CR1: variants seen among roughly 807,000 people sequenced by gnomAD.
CR1 encodes complement receptor type 1.
A neutral mutation model predicts 187.3 loss-of-function variants in CR1; 116 were observed. The observed-to-expected ratio is 0.62, with a 90% confidence interval of 0.53 to 0.72. The LOEUF (loss-of-function observed/expected upper bound fraction) is 0.72, where lower values mean the gene tolerates loss of function less well. Ranked by LOEUF, CR1 falls within the 30% of genes least tolerant of loss-of-function variation. The probability of loss-of-function intolerance (pLI) is 0.00; values close to 1 mark genes in which losing one functional copy is unlikely to be tolerated. For synonymous variants in CR1, 576 were observed against 747.1 expected (o/e 0.77, Z 3.73); for missense variants, 1,731 against 2,110.7 (o/e 0.82, Z 3.52).
chr1:207,579,968 A>G (rs1272853098), intron 29 of CR1, among the ~76,000 whole-genome samples: 1 of 152,238 alleles, frequency 6.6e-6, no homozygotes. Context: ...CTCAGGTGAC[A>G]GTCTCATTAC....
rs541917183 is a variant in CR1 at position 207,620,215 on chromosome 1, C to T, written c.7252+150C>T. ...TGAGCATCCACCTATTCCAAAACTC[C>T]CATAGTGAGAGTAAGGCCAGACTTC... On this transcript the variant is annotated intron_variant, in intron 43 of 46. Transcript: ENST00000367049. 48 of 771,964 alleles carry T rather than the reference C, an allele frequency of 6.2e-5. No individual in the cohort carries two copies. In the Middle Eastern group the frequency reaches 7.6e-4, roughly 12 times the overall value. The allele number at this position is 771,964 out of a possible 1,614,324, so 47.8% of individuals were successfully genotyped here.
rs1297557412 is a variant in CR1, at chr1:207,506,661, A to G, written c.302-53A>G. The G allele has an allele frequency of 2.0e-6, 3 of 1,506,342 alleles. No homozygotes were observed. In the South Asian group the frequency reaches 3.4e-5, roughly 17 times the overall value. 93.3% of individuals were successfully genotyped at this position (1,506,342 alleles called of 1,614,324 possible). A position where few individuals can be genotyped will look rare whatever the true frequency, so the allele number is the denominator to read the frequency against. On this transcript the variant is annotated intron_variant, in intron 2 of 46. Coordinates refer to ENST00000367049, the MANE Select transcript of CR1 (RefSeq NM_000651.6). ...GCAGGTTGAGACCTTATGTACTAAA[A>G]AAAGTTTTTAGTTTACTCTACTTGG...
At chr1:207,511,967 T>A (rs1370701162) in intron 4 of CR1, among the ~76,000 whole-genome samples, 1 of 152,152 alleles carries the variant, frequency 6.6e-6, no homozygotes, top group Non-Finnish European at 1.5e-5. Context: ...GCTTGGCAAA[T>A]CAGTAAAGAT....
At chr1:207,603,941 A>T (rs1661677948) in intron 35 of CR1, among the ~76,000 whole-genome samples, 1 of 152,198 alleles carries the variant, frequency 6.6e-6, no homozygotes, top group Non-Finnish European at 1.5e-5. Context: ...AGATTTGCAG[A>T]TTTGAGTGAA....
chr1:207,623,911 C>CTTTTTT lies in CR1; in HGVS notation c.7352+870_7352+875dup, dbSNP rs71154830. On this transcript the variant is annotated intron_variant, in intron 45 of 46. Coordinates refer to ENST00000367049, the MANE Select transcript of CR1 (RefSeq NM_000651.6). ...ACAAATATTTTGTAAACACCATTAA[C>CTTTTTT]TTTTTTTTTTTTTTTTTTTTTTTTT... Among the ~76,000 whole-genome samples the CTTTTTT allele has an allele frequency of 1.1e-4, 6 of 52,474 alleles. No homozygotes were observed. The East Asian group carries it at 2.7e-3, about 24-fold the overall frequency. 34.4% of individuals were successfully genotyped at this position (52,474 alleles called of 152,430 possible). A position where few individuals can be genotyped will look rare whatever the true frequency, so the allele number is the denominator to read the frequency against.
intron 2 of CR1, 92 bp from the exon 3 acceptor site, chr1:207,506,622 T>C: frequency 3.0e-6 from 3 of 1,013,246 alleles, no homozygotes; most frequent in Non-Finnish European, 4.6e-6. Flanking sequence ...CGTGTGTTCC[T>C]CAGTAAGCTA....
chr1:207,499,186 G>T (rs1003284416), intron 1 of CR1, among the ~76,000 whole-genome samples: 6 of 152,148 alleles, frequency 3.9e-5, no homozygotes, highest in Non-Finnish European at 8.8e-5. Context: ...GCTAATGCTA[G>T]TCACAGAAAG....
chr1:207,582,091 C>G, intron 32 of CR1, 88 bp downstream of exon 32: 1 of 879,680 alleles, frequency 1.1e-6, no homozygotes, highest in Admixed American at 2.5e-5. Context: ...TTGTTTGTCC[C>G]GCTGTTTGTG....
chr1:207,501,866 G>A (rs561552544), intron 1 of CR1, among the ~76,000 whole-genome samples: 2 of 151,440 alleles, frequency 1.3e-5, no homozygotes, highest in South Asian at 4.2e-4. Flanking sequence ...ATATCAACTA[G>A]AGGAAAGGTG....
chr1:207,632,746 C>G (rs1008920105), intron 46 of CR1, among the ~76,000 whole-genome samples: 59 of 142,970 alleles, frequency 4.1e-4, no homozygotes, highest in African/African-American at 1.5e-3. Flanking sequence ...TGCAGTGAGC[C>G]GAGATCGCGC....
chr1:207,592,981 G>T (rs1341172433), intron 35 of CR1, among the ~76,000 whole-genome samples: 3 of 147,896 alleles, frequency 2.0e-5, no homozygotes, highest in Non-Finnish European at 4.4e-5. Flanking sequence ...CACGATTGTG[G>T]ATAGGAAGAA....
chr1:207,565,214 C>T (rs1660456352), intron 23 of CR1, among the ~76,000 whole-genome samples: 1 of 150,190 alleles, frequency 6.7e-6, no homozygotes, highest in African/African-American at 2.5e-5. Flanking sequence ...TGCCAGCACC[C>T]AGTAAGAGTT....
chr1:207,601,491 A>C (rs1318416333), intron 35 of CR1, among the ~76,000 whole-genome samples: 1 of 152,170 alleles, frequency 6.6e-6, no homozygotes, highest in Non-Finnish European at 1.5e-5. Flanking sequence ...AAGAATTGCC[A>C]GACTATTTTC....
intron 45 of CR1, among the ~76,000 whole-genome samples, chr1:207,623,760 T>G (rs1373195626): frequency 6.6e-6 from 1 of 152,084 alleles, no homozygotes; most frequent in Non-Finnish European, 1.5e-5. Flanking sequence ...CACTGACCTC[T>G]AAGCCCAGAT....
At chr1:207,496,443 C>G in intron 1 of CR1, 55 bp downstream of exon 1, 1 of 1,532,122 alleles carries the variant, frequency 6.5e-7, no homozygotes. Flanking sequence ...ACCCGGGGCC[C>G]CGCAGAGAAC....
intron 35 of CR1, among the ~76,000 whole-genome samples, chr1:207,602,360 G>A (rs1411080702): frequency 9.2e-5 from 14 of 152,088 alleles, no homozygotes; most frequent in Admixed American, 8.5e-4. Context: ...TGGCTCATTT[G>A]CTAATATAAA....
intron 37 of CR1, among the ~76,000 whole-genome samples, chr1:207,611,388 T>C (rs1661925532): frequency 6.6e-6 from 1 of 152,202 alleles, no homozygotes; most frequent in Non-Finnish European, 1.5e-5. Flanking sequence ...GACTCTGTGC[T>C]CCATAACCAG....
At position 207,611,817 on chromosome 1, in the gene CR1, C is replaced by G; in HGVS notation, c.6436C>G (p.Gln2146Glu). 6.2e-7 allele frequency: 1 copy of G among 1,614,016 alleles called. No individual in the cohort carries two copies. The highest frequency in any genetic ancestry group is 8.5e-7 in the Non-Finnish European group (1 of 1,179,892). Residue 2146 changes from glutamine (Q) to glutamate (E), a missense_variant, in exon 38 of 47, where the codon CAG becomes GAG. Physicochemically the swap from Gln to Glu is conservative, Grantham distance 29 (BLOSUM62 2). This residue lies in a region of CR1 where 1,312 missense variants were observed against 1,379.6 expected (regional missense o/e 0.95). Transcript: ENST00000367049. ...RGAASLHCTP[Q>E]GDWSPEAPRC... ...GGCTGCGTCTCTGCACTGCACGCCC[C>G]AGGGAGACTGGAGCCCTGAAGCCCC... is the stretch of plus-strand genomic sequence containing the variant.
At chr1:207,577,387 T>G (rs1660785296) in intron 28 of CR1, among the ~76,000 whole-genome samples, 1 of 152,082 alleles carries the variant, frequency 6.6e-6, no homozygotes, top group Non-Finnish European at 1.5e-5. Flanking sequence ...TTAGCAAATA[T>G]TAGATGAGAA....
Sources: allele counts gnomAD v4.1 joint callset (sites outside exome capture counted in the v4.1 genomes callset), GRCh38; gene constraint gnomAD v4.1.1; regional missense constraint gnomAD v4.1.1; transcripts MANE v1.5; gene names NCBI Gene and HGNC (gene_info 2026-07-23, HGNC 2026-07-21).